The following DOCK11 variants were observed in gnomAD, a reference collection of about 807,000 sequenced individuals.
DOCK11 encodes the protein dedicator of cytokinesis 11, also known as dedicator of cytokinesis protein 11.
A neutral mutation model predicts 169.1 loss-of-function variants in DOCK11; 70 were observed. The ratio of observed to expected loss-of-function variants is 0.41; its 90% confidence interval spans 0.34 to 0.51. DOCK11 has a LOEUF of 0.51. Among genes scored for constraint, DOCK11 ranks in the 20% least tolerant of loss-of-function variants. The pLI, the probability that DOCK11 is intolerant of heterozygous loss-of-function variation, is 0.10. For missense variants in DOCK11, 1,166 were observed against 1,538.8 expected, an observed-to-expected ratio of 0.76 and a Z score of 4.05; for synonymous variants, 529 against 541.3, an observed-to-expected ratio of 0.98 and a Z score of 0.32.
Position 118,671,162 on chromosome X carries a change from T to C in DOCK11, c.5199+17T>C. The C allele has an allele frequency of 8.4e-7, 1 of 1,193,116 alleles. No homozygotes were observed. The highest frequency in any genetic ancestry group is 1.1e-6 in the Non-Finnish European group (1 of 882,955). On this transcript the variant is annotated intron_variant, in intron 46 of 52. Coordinates refer to ENST00000276202, the MANE Select transcript of DOCK11 (RefSeq NM_144658.4). ...GAGTTTGAGGTAGGCAATTTGAACA[T>C]TTTTATCATTGACTTATGTATTTTA...
At chrX:118,527,742 G>A (rs894266151) in intron 1 of DOCK11, among the ~76,000 whole-genome samples, 1 of 112,059 alleles carries the variant, frequency 8.9e-6, no homozygotes, top group Non-Finnish European at 1.9e-5. Context: ...AAGGCAACCT[G>A]TTTATATGAA....
intron 4 of DOCK11, among the ~76,000 whole-genome samples, chrX:118,544,551 A>G (rs1205600099): frequency 8.3e-5 from 9 of 108,049 alleles, no homozygotes; most frequent in South Asian, 4.1e-4. Flanking sequence ...GGTCCTTGGG[A>G]AAAAAAAAGA....
At chrX:118,599,068 GGA>G (rs1307951119) in intron 22 of DOCK11, 69 bp from the exon 23 acceptor site, 1 of 838,502 alleles carries the variant, frequency 1.2e-6, no homozygotes, top group African/African-American at 2.0e-5. Flanking sequence ...ACAGGAGGAG[GGA>G]GAGGTAGAGA....
chrX:118,653,633 C>G (rs1317838231), intron 42 of DOCK11, among the ~76,000 whole-genome samples: 1 of 111,273 alleles, frequency 9.0e-6, no homozygotes, highest in Non-Finnish European at 1.9e-5. Context: ...AGGCTGGTCT[C>G]GAACTCCTGA....
intron 1 of DOCK11, among the ~76,000 whole-genome samples, chrX:118,519,411 G>A (rs1470814930): frequency 1.8e-5 from 2 of 111,900 alleles, no homozygotes; most frequent in South Asian, 3.7e-4. Context: ...TTAGCCAGGC[G>A]TGGTGGCACA....
chrX:118,593,502 A>C (rs778362527), intron 20 of DOCK11, among the ~76,000 whole-genome samples, 165 bp downstream of exon 20: 1 of 112,201 alleles, frequency 8.9e-6, no homozygotes, highest in Non-Finnish European at 1.9e-5. Context: ...GACTGGGAAG[A>C]AAAAGAAGTT....
At chrX:118,496,740 C>G (rs1050688089) in intron 1 of DOCK11, among the ~76,000 whole-genome samples, 8 of 111,556 alleles carry the variant, frequency 7.2e-5, no homozygotes, top group Admixed American at 9.4e-5. Context: ...GCAGGGTCAT[C>G]CACCGCAGGG....
At chrX:118,575,517 T>G (rs2013416683) in intron 12 of DOCK11, among the ~76,000 whole-genome samples, 1 of 112,368 alleles carries the variant, frequency 8.9e-6, no homozygotes, top group African/African-American at 3.2e-5. Context: ...AAGATTATGC[T>G]GATTTATATA....
intron 1 of DOCK11, among the ~76,000 whole-genome samples, chrX:118,516,650 G>A (rs929375268): frequency 1.9e-5 from 2 of 107,025 alleles, no homozygotes; most frequent in African/African-American, 6.9e-5. Flanking sequence ...GGCCAGGCTG[G>A]TCTCGAACTC....
chrX:118,565,184 G>A (rs560901666), intron 7 of DOCK11, among the ~76,000 whole-genome samples: 2 of 110,574 alleles, frequency 1.8e-5, no homozygotes, highest in East Asian at 2.8e-4. Context: ...TAAGCAATCC[G>A]CCCACCTCTG....
chrX:118,665,781 C>T (rs1380755351), intron 45 of DOCK11, among the ~76,000 whole-genome samples: 1 of 111,918 alleles, frequency 8.9e-6, no homozygotes, highest in African/African-American at 3.2e-5. Context: ...ATGAAAAATA[C>T]AAACAGTTGT....
chrX:118,678,472 A>C (rs1230174168), intron 48 of DOCK11, among the ~76,000 whole-genome samples: 1 of 110,394 alleles, frequency 9.1e-6, no homozygotes, highest in Non-Finnish European at 1.9e-5. Flanking sequence ...TTTTCTTTTT[A>C]TTTTATTTTA....
intron 32 of DOCK11, 98 bp downstream of exon 32, chrX:118,624,753 A>AATTTT: frequency 3.2e-6 from 1 of 309,197 alleles, no homozygotes; most frequent in African/African-American, 3.4e-5. Context: ...TTAAGAGTTC[A>AATTTT]CTTTTTTTTT....
intron 1 of DOCK11, among the ~76,000 whole-genome samples, chrX:118,526,213 C>T (rs912956056): frequency 7.1e-5 from 8 of 112,013 alleles, no homozygotes; most frequent in Non-Finnish European, 1.5e-4. Context: ...TGAGCCAGGG[C>T]TTTCAAGTCT....
At chrX:118,602,899 T>C (rs1171393980) in intron 23 of DOCK11, among the ~76,000 whole-genome samples, 1 of 112,155 alleles carries the variant, frequency 8.9e-6, no homozygotes, top group Non-Finnish European at 1.9e-5. Context: ...GACCATGTAG[T>C]ATGGGCCAGA....
At chrX:118,498,574 C>G in intron 1 of DOCK11, among the ~76,000 whole-genome samples, 1 of 111,695 alleles carries the variant, frequency 9.0e-6, no homozygotes, top group Admixed American at 9.5e-5. Flanking sequence ...ACTTCTGATT[C>G]TTTTAAGGGA....
chrX:118,602,991 G>C (rs903234854), intron 23 of DOCK11, among the ~76,000 whole-genome samples: 7 of 112,001 alleles, frequency 6.2e-5, no homozygotes, highest in Non-Finnish European at 1.1e-4. Flanking sequence ...GATTATAAGT[G>C]AGTGCCATGA....
At chrX:118,535,014 T>C (rs2011704032) in intron 1 of DOCK11, among the ~76,000 whole-genome samples, 1 of 112,030 alleles carries the variant, frequency 8.9e-6, no homozygotes, top group African/African-American at 3.2e-5. Flanking sequence ...AAGATCCTTA[T>C]CCAATTACAT....
At chrX:118,555,166 T>C (rs1311146529) in intron 6 of DOCK11, among the ~76,000 whole-genome samples, 2 of 111,685 alleles carry the variant, frequency 1.8e-5, no homozygotes, top group Non-Finnish European at 3.8e-5. Context: ...TTAAATCAAA[T>C]AGTTGAACTC....
Sources: gnomAD v4.1 joint callset for allele counts (sites outside exome capture counted in the v4.1 genomes callset) on GRCh38, gnomAD v4.1.1 for gene constraint, MANE v1.5 for transcripts, NCBI Gene and HGNC (gene_info 2026-07-23, HGNC 2026-07-21) for gene names.